ATP10B: variants seen among roughly 807,000 people sequenced by gnomAD.
ATP10B encodes phospholipid-transporting ATPase VB.
A neutral mutation model predicts 141.2 loss-of-function variants in ATP10B; 122 were observed. That is an observed-to-expected ratio of 0.86 (90% CI 0.75 to 1.00). The LOEUF is 1.00. Among genes scored for constraint, ATP10B ranks in the 50% least tolerant of loss-of-function variants. The pLI is 0.00. For synonymous variants in ATP10B, 685 were observed against 692.0 expected (o/e 0.99, Z 0.16); for missense variants, 1,876 against 1,825.3 (o/e 1.03, Z -0.51).
At chr5:160,862,973 A>T in the ATP10B span, among the ~76,000 whole-genome samples, 1 of 152,002 alleles carries the variant, frequency 6.6e-6, no homozygotes, top group South Asian at 2.1e-4. Context: ...AAAGAAACAT[A>T]GTGCTTTCTG....
At chr5:160,635,607 G>C (rs1045848389) in intron 11 of ATP10B, among the ~76,000 whole-genome samples, 3 of 152,158 alleles carry the variant, frequency 2.0e-5, no homozygotes, top group African/African-American at 7.2e-5. Context: ...CTCCACAAAA[G>C]GAAAACTACA....
In ATP10B at chr5:160,668,171, G is replaced by GCACTAA. The variant is rs369909846; in HGVS notation, c.675+2286_675+2291dup. ...CCCTTGAACCCAGTAGGCATAGATT[G>GCACTAA]CACTAAGCAGATTGTGCCACCGTAC... On this transcript the variant is annotated intron_variant, in intron 7 of 25. Transcript: ENST00000327245. Among the ~76,000 whole-genome samples the GCACTAA allele has an allele frequency of 5.2e-4, 75 of 143,604 alleles. 1 individual carries two copies. The highest frequency in any genetic ancestry group is 1.9e-3 in the African/African-American group (73 of 38,112). 94.2% of individuals were successfully genotyped at this position (143,604 alleles called of 152,430 possible). A position where few individuals can be genotyped will look rare whatever the true frequency, so the allele number is the denominator to read the frequency against.
In ATP10B at chr5:160,817,548, A is replaced by T. The variant is rs143015760; in HGVS notation, c.-575-31745T>A. Among the ~76,000 whole-genome samples the T allele has an allele frequency of 1.8e-3, 281 of 152,322 alleles. 1 individual carries two copies. Among genetic ancestry groups the T allele is most frequent in the African/African-American group, 5.9e-3 (244 of 41,556 alleles). Reference sequence around the variant, plus strand: ...TCCATGCTCATGGGTAGGAAGAATCAATATCATGTAAATGGCCATATTGCC... The same window carrying T: ...TCCATGCTCATGGGTAGGAAGAATCTATATCATGTAAATGGCCATATTGCC... On this transcript the variant is annotated intron_variant, in intron 1 of 25. Coordinates refer to ENST00000327245, the MANE Select transcript of ATP10B (RefSeq NM_025153.3).
the ATP10B span, among the ~76,000 whole-genome samples, chr5:160,925,727 T>C: frequency 6.6e-6 from 1 of 152,260 alleles, no homozygotes; most frequent in Admixed American, 6.5e-5. Context: ...TTAGTTGATT[T>C]CATGTTCTCC....
chr5:160,791,295 G>A (rs965012254), intron 1 of ATP10B, among the ~76,000 whole-genome samples: 1 of 152,130 alleles, frequency 6.6e-6, no homozygotes, highest in East Asian at 1.9e-4. Context: ...TTGGTAATAT[G>A]TTAGGGCAGC....
chr5:160,582,570 A>G (rs946951027), intron 24 of ATP10B, among the ~76,000 whole-genome samples: 25 of 152,140 alleles, frequency 1.6e-4, no homozygotes, highest in African/African-American at 6.0e-4. Context: ...GGTTGCCCTT[A>G]GTATTTTTTC....
intron 2 of ATP10B, among the ~76,000 whole-genome samples, chr5:160,744,617 A>G (rs74498555): frequency 0.031 from 4,673 of 152,246 alleles, 235 homozygotes; most frequent in African/African-American, 0.11. Context: ...GTTTTCACCA[A>G]ATTTGTAGAG....
At chr5:160,818,396 A>G (rs1773846601) in intron 1 of ATP10B, among the ~76,000 whole-genome samples, 1 of 152,260 alleles carries the variant, frequency 6.6e-6, no homozygotes, top group South Asian at 2.1e-4. Flanking sequence ...GACACATGAA[A>G]AAATGCTCAT....
At chr5:160,646,001 G>A (rs200359018) in intron 8 of ATP10B, among the ~76,000 whole-genome samples, 2 of 152,142 alleles carry the variant, frequency 1.3e-5, no homozygotes, top group Admixed American at 6.5e-5. Flanking sequence ...ATTCCTCACT[G>A]TGTTTATAAA....
At chr5:160,908,849 C>T in the ATP10B span, among the ~76,000 whole-genome samples, 3 of 152,196 alleles carry the variant, frequency 2.0e-5, no homozygotes, top group Non-Finnish European at 2.9e-5. Context: ...TCACCATCAA[C>T]ACTCCTTCTG....
At chr5:160,653,043 T>C (rs1271008027) in intron 7 of ATP10B, among the ~76,000 whole-genome samples, 3 of 115,518 alleles carry the variant, frequency 2.6e-5, no homozygotes, top group Non-Finnish European at 4.9e-5. Flanking sequence ...TTTATATTTA[T>C]GTATATAATT....
At chr5:160,580,485 C>T (rs1465122578) in intron 24 of ATP10B, among the ~76,000 whole-genome samples, 1 of 152,142 alleles carries the variant, frequency 6.6e-6, no homozygotes, top group Non-Finnish European at 1.5e-5. Context: ...TATGTTGAAC[C>T]AGCCTTGCAT....
chr5:160,905,835 C>T, the ATP10B span, among the ~76,000 whole-genome samples: 1 of 151,954 alleles, frequency 6.6e-6, no homozygotes, highest in Non-Finnish European at 1.5e-5. Context: ...TATTAAAAAG[C>T]ATAAGTATTT....
At chr5:160,879,558 G>A in the ATP10B span, among the ~76,000 whole-genome samples, 5 of 149,418 alleles carry the variant, frequency 3.3e-5, no homozygotes, top group Admixed American at 6.7e-5. Context: ...AAAAAACCAC[G>A]GCCAGGCGCG....
At chr5:160,597,428 A>C (rs1350011060) in intron 22 of ATP10B, among the ~76,000 whole-genome samples, 1 of 152,222 alleles carries the variant, frequency 6.6e-6, no homozygotes, top group African/African-American at 2.4e-5. Flanking sequence ...GTTAGACCTA[A>C]AACCATAAAA....
the ATP10B span, among the ~76,000 whole-genome samples, chr5:160,894,339 C>G: frequency 6.6e-6 from 1 of 151,820 alleles, no homozygotes. Context: ...CTAGAATAAC[C>G]AGTTTAGAGA....
upstream of ATP10B, among the ~76,000 whole-genome samples, chr5:160,854,181 T>C (rs970163040): frequency 6.6e-6 from 1 of 152,094 alleles, no homozygotes; most frequent in Non-Finnish European, 1.5e-5. Context: ...TTAGTGGTAA[T>C]TTTTATTTTT....
chr5:160,830,703 T>C (rs1445181954), intron 1 of ATP10B, among the ~76,000 whole-genome samples: 3 of 152,066 alleles, frequency 2.0e-5, no homozygotes, highest in Admixed American at 1.3e-4. Context: ...CCATTATCTG[T>C]AGAGTAGATT....
chr5:160,573,410 A>C (rs917182960), intron 24 of ATP10B, among the ~76,000 whole-genome samples: 1 of 152,172 alleles, frequency 6.6e-6, no homozygotes, highest in South Asian at 2.1e-4. Context: ...GACGCAGACA[A>C]TTCTGCAGCT....
Sources: allele counts gnomAD v4.1 joint callset (sites outside exome capture counted in the v4.1 genomes callset), GRCh38; gene constraint gnomAD v4.1.1; transcripts MANE v1.5; gene names NCBI Gene and HGNC (gene_info 2026-07-23, HGNC 2026-07-21).